NEGR1: variants seen among roughly 807,000 people sequenced by gnomAD.
The protein encoded by NEGR1 is IgLON family member 4.
A neutral mutation model predicts 40.9 loss-of-function variants in NEGR1; 10 were observed. The ratio of observed to expected loss-of-function variants is 0.24; its 90% confidence interval spans 0.15 to 0.42. NEGR1 has a LOEUF of 0.42. Ranked by LOEUF, NEGR1 falls within the 10% of genes least tolerant of loss-of-function variation. The pLI is 1.00. For synonymous variants in NEGR1, 185 were observed against 166.8 expected (o/e 1.11, Z -0.84); for missense variants, 352 against 438.9 (o/e 0.80, Z 1.77).
At chr1:72,040,900 C>T (rs1646947834) in intron 1 of NEGR1, among the ~76,000 whole-genome samples, 1 of 151,910 alleles carries the variant, frequency 6.6e-6, no homozygotes, top group Non-Finnish European at 1.5e-5. Flanking sequence ...CTCTGTCCAC[C>T]AAAAACTATG....
At chr1:71,790,233 T>A (rs1657064552) in intron 2 of NEGR1, among the ~76,000 whole-genome samples, 1 of 152,092 alleles carries the variant, frequency 6.6e-6, no homozygotes, top group Admixed American at 6.6e-5. Context: ...CACTACAACT[T>A]GTATTGGTGG....
Position 72,274,769 on chromosome 1 carries a change from T to A in NEGR1, c.176+7550A>T, listed in dbSNP as rs970162148. ...GAAATTGCTTGCTGTAAGCAGTTCA[T>A]CTGTGACCCCAGCTGTGTAAAAGAT... On this transcript the variant is annotated intron_variant, in intron 1 of 6. Transcript: ENST00000357731. 1.2e-5 allele frequency: 16 copies of A among 1,325,480 alleles called. No individual in the cohort carries two copies. In the African/African-American group the frequency reaches 2.2e-4, roughly 18 times the overall value. The allele number at this position is 1,325,480 out of a possible 1,614,324, so 82.1% of individuals were successfully genotyped here. A position where few individuals can be genotyped will look rare whatever the true frequency, so the allele number is the denominator to read the frequency against.
intron 4 of NEGR1, among the ~76,000 whole-genome samples, chr1:71,666,311 G>A (rs571450414): frequency 6.6e-6 from 1 of 152,156 alleles, no homozygotes; most frequent in African/African-American, 2.4e-5. Flanking sequence ...TAAAAACACG[G>A]GTCTCAAACG....
At chr1:72,111,260 C>G (rs917076364) in intron 1 of NEGR1, among the ~76,000 whole-genome samples, 5 of 151,542 alleles carry the variant, frequency 3.3e-5, no homozygotes, top group Non-Finnish European at 7.4e-5. Flanking sequence ...ACACTAGTGC[C>G]CATGCCACTG....
rs192525183 is a variant in NEGR1 at position 71,929,112 on chromosome 1, G to A, written c.409+5967C>T. 4.6e-5 allele frequency among the ~76,000 whole-genome samples: 7 copies of A among 152,068 alleles called. No homozygotes were observed. In the East Asian group the frequency reaches 1.4e-3, roughly 29 times the overall value. On this transcript the variant is annotated intron_variant, in intron 2 of 6. Coordinates refer to ENST00000357731, the MANE Select transcript of NEGR1 (RefSeq NM_173808.3). The stretch of plus-strand genomic sequence containing the variant: ...CAGATAACAGGTATTTATCATATAT[G>A]TTCTTAGAAATGTAGCTTTGTTATC...
At chr1:72,004,972 A>G (rs1231050876) in intron 1 of NEGR1, among the ~76,000 whole-genome samples, 1 of 152,176 alleles carries the variant, frequency 6.6e-6, no homozygotes, top group East Asian at 1.9e-4. Context: ...ACACATCACT[A>G]TATTAATCTC....
chr1:71,801,770 C>T (rs990426053), intron 2 of NEGR1, among the ~76,000 whole-genome samples: 2 of 152,118 alleles, frequency 1.3e-5, no homozygotes, highest in Admixed American at 1.3e-4. Flanking sequence ...TGCATTTCGC[C>T]CAAACACTCC....
intron 6 of NEGR1, among the ~76,000 whole-genome samples, chr1:71,507,373 T>G (rs990690376): frequency 6.6e-6 from 1 of 152,174 alleles, no homozygotes; most frequent in Non-Finnish European, 1.5e-5. Context: ...AATAAACCTC[T>G]AATTAAAAAA....
At chr1:71,996,709 A>G (rs1236663010) in intron 1 of NEGR1, among the ~76,000 whole-genome samples, 7 of 152,090 alleles carry the variant, frequency 4.6e-5, no homozygotes, top group African/African-American at 1.2e-4. Flanking sequence ...CATGCCTTCA[A>G]AGTTTCAGGC....
At chr1:71,500,905 T>C (rs1009561058) in intron 6 of NEGR1, among the ~76,000 whole-genome samples, 10 of 152,212 alleles carry the variant, frequency 6.6e-5, no homozygotes, top group African/African-American at 2.2e-4. Flanking sequence ...TGTTTTGTTA[T>C]TTTTTATTTT....
intron 2 of NEGR1, among the ~76,000 whole-genome samples, chr1:71,846,710 G>C (rs533321687): frequency 5.4e-4 from 82 of 152,290 alleles, no homozygotes; most frequent in African/African-American, 1.9e-3. Context: ...AGAAATGCAA[G>C]ATCAAAGTGG....
intron 2 of NEGR1, chr1:71,798,095 C>G (rs1227805430): frequency 1.3e-5 from 2 of 152,028 alleles, no homozygotes; most frequent in Non-Finnish European, 2.9e-5. Flanking sequence ...TGGATACTCT[C>G]TCCTCATACA....
chr1:71,410,936 C>T (rs899208149), intron 6 of NEGR1, among the ~76,000 whole-genome samples: 6 of 152,140 alleles, frequency 3.9e-5, no homozygotes, highest in Admixed American at 6.5e-5. Flanking sequence ...AAAAAACCTT[C>T]AGAAAATCCC....
intron 1 of NEGR1, among the ~76,000 whole-genome samples, chr1:72,119,358 G>C (rs1388694836): frequency 6.6e-6 from 1 of 151,724 alleles, no homozygotes; most frequent in Non-Finnish European, 1.5e-5. Context: ...TTTTTCTTTT[G>C]TTTCTAATTG....
chr1:71,871,727 A>T (rs1367596504), intron 2 of NEGR1, among the ~76,000 whole-genome samples: 1 of 152,202 alleles, frequency 6.6e-6, no homozygotes, highest in Non-Finnish European at 1.5e-5. Context: ...TGTCAACAAG[A>T]TAGTTTTTAT....
intron 1 of NEGR1, among the ~76,000 whole-genome samples, chr1:72,078,602 T>C (rs1450771363): frequency 6.8e-6 from 1 of 148,072 alleles, no homozygotes; most frequent in Non-Finnish European, 1.5e-5. Context: ...TATATGTATA[T>C]TAATTATCAT....
chr1:71,411,898 A>G (rs1646324539), intron 6 of NEGR1, among the ~76,000 whole-genome samples: 1 of 151,964 alleles, frequency 6.6e-6, no homozygotes, highest in African/African-American at 2.4e-5. Flanking sequence ...CTACTCAGGA[A>G]GCTGAGGCAC....
intron 3 of NEGR1, among the ~76,000 whole-genome samples, chr1:71,761,398 G>T (rs1655937295): frequency 6.6e-6 from 1 of 152,130 alleles, no homozygotes; most frequent in Non-Finnish European, 1.5e-5. Context: ...ATGGTCTACA[G>T]ACTATTTTAT....
intron 3 of NEGR1, among the ~76,000 whole-genome samples, chr1:71,774,250 G>C (rs1261163169): frequency 1.3e-5 from 2 of 152,158 alleles, no homozygotes; most frequent in African/African-American, 4.8e-5. Context: ...CTTGTCTTAA[G>C]AGCACATGTG....
Sources: allele counts gnomAD v4.1 joint callset (sites outside exome capture counted in the v4.1 genomes callset), GRCh38; gene constraint gnomAD v4.1.1; transcripts MANE v1.5; gene names NCBI Gene and HGNC (gene_info 2026-07-23, HGNC 2026-07-21).